Variants in TAFA2 observed in about 807,000 individuals in gnomAD.
TAFA2 encodes TAFA chemokine like family member 2, also known as chemokine-like protein TAFA-2.
A neutral mutation model predicts 18.8 loss-of-function variants in TAFA2; 7 were observed. The observed-to-expected ratio is 0.37, with a 90% CI of 0.21 to 0.70. TAFA2 has a LOEUF of 0.70. Ranked by LOEUF, TAFA2 falls within the 30% of genes least tolerant of loss-of-function variation. The probability of loss-of-function intolerance (pLI) is 0.53; values close to 1 mark genes in which losing one functional copy is unlikely to be tolerated. For missense variants in TAFA2, 122 were observed against 158.1 expected (o/e 0.77, Z 1.23); for synonymous variants, 60 against 54.2 (o/e 1.11, Z -0.47).
At chr12:61,825,720 C>T (rs4482081) in intron 2 of TAFA2, among the ~76,000 whole-genome samples, 43,809 of 151,808 alleles carry the variant, frequency 0.29, 6,895 homozygotes, top group South Asian at 0.4. Context: ...AAAAGAGGAG[C>T]TCTAGTCTAA....
chr12:62,174,203 C>G (rs1195129681), intron 1 of TAFA2, among the ~76,000 whole-genome samples: 1 of 152,068 alleles, frequency 6.6e-6, no homozygotes, highest in Non-Finnish European at 1.5e-5. Flanking sequence ...GTAGTCCCAG[C>G]TACTCAGGAG....
At chr12:61,774,519 C>T (rs146731698) in intron 2 of TAFA2, among the ~76,000 whole-genome samples, 137 of 151,934 alleles carry the variant, frequency 9.0e-4, no homozygotes, top group African/African-American at 3.0e-3. Flanking sequence ...ACATTCACAG[C>T]AACCTGGATG....
intron 2 of TAFA2, among the ~76,000 whole-genome samples, chr12:61,808,074 A>G (rs1161413840): frequency 6.6e-6 from 1 of 151,630 alleles, no homozygotes; most frequent in Non-Finnish European, 1.5e-5. Context: ...GGAAGGGGCC[A>G]GGGGCAGAAT....
intron 1 of TAFA2, among the ~76,000 whole-genome samples, chr12:61,996,570 A>G (rs1880194516): frequency 1.3e-5 from 2 of 152,128 alleles, no homozygotes. Context: ...CAGGTGTACA[A>G]TTCTCCAATG....
chr12:61,891,856 A>C (rs987338353), intron 1 of TAFA2, among the ~76,000 whole-genome samples: 3 of 152,186 alleles, frequency 2.0e-5, no homozygotes, highest in Non-Finnish European at 2.9e-5. Context: ...GCCATGAGAA[A>C]GAACTGGGAT....
In TAFA2 at chr12:61,902,083, A is replaced by G. The variant is rs1048064952; in HGVS notation, c.-1-34657T>C. 6.1e-5 allele frequency among the ~76,000 whole-genome samples: 8 copies of G among 132,070 alleles called. No individual in the cohort carries two copies. The South Asian group carries it at 9.8e-4, about 16-fold the overall frequency. The allele number at this position is 132,070 out of a possible 152,430, so 86.6% of individuals were successfully genotyped here. A position where few individuals can be genotyped will look rare whatever the true frequency, so the allele number is the denominator to read the frequency against. ...AAATCTATTGATGTAATCATGGTGC[A>G]GGAATGTTAAAAAAAAAAAAAAAAA... On this transcript the variant is annotated intron_variant, in intron 1 of 4. Coordinates refer to ENST00000416284, the MANE Select transcript of TAFA2 (RefSeq NM_178539.5).
At chr12:61,865,111 T>G (rs1427423580) in intron 2 of TAFA2, among the ~76,000 whole-genome samples, 1 of 152,036 alleles carries the variant, frequency 6.6e-6, no homozygotes. Flanking sequence ...CCCCTCCCCC[T>G]CCTGAAAGGA....
chr12:62,052,029 G>A (rs1003894420), intron 1 of TAFA2, among the ~76,000 whole-genome samples: 4 of 152,088 alleles, frequency 2.6e-5, no homozygotes, highest in Non-Finnish European at 5.9e-5. Context: ...CAAAAGGCAG[G>A]CAGTAGGCCA....
chr12:62,234,663 G>T (rs1298738472), intron 1 of TAFA2: 2 of 914,576 alleles, frequency 2.2e-6, no homozygotes, highest in Non-Finnish European at 3.6e-6. Context: ...GGAGCGTTTG[G>T]TATAAGCTTT....
At chr12:61,764,544 A>G (rs1381601127) in intron 2 of TAFA2, among the ~76,000 whole-genome samples, 1 of 152,004 alleles carries the variant, frequency 6.6e-6, no homozygotes, top group Non-Finnish European at 1.5e-5. Flanking sequence ...GGAGTAAGGC[A>G]TTTAGGTCTC....
At chr12:62,070,211 T>G (rs1475044851) in intron 1 of TAFA2, among the ~76,000 whole-genome samples, 1 of 152,174 alleles carries the variant, frequency 6.6e-6, no homozygotes, top group African/African-American at 2.4e-5. Flanking sequence ...AGAGATATCT[T>G]AATCTCTTTC....
At chr12:62,054,937 C>A (rs184153330) in intron 1 of TAFA2, among the ~76,000 whole-genome samples, 5 of 152,242 alleles carry the variant, frequency 3.3e-5, no homozygotes, top group Admixed American at 1.3e-4. Flanking sequence ...TAGTCTCATA[C>A]ATATAGTAGG....
At chr12:62,043,098 T>C (rs1453524475) in intron 1 of TAFA2, among the ~76,000 whole-genome samples, 3 of 152,168 alleles carry the variant, frequency 2.0e-5, no homozygotes, top group Non-Finnish European at 2.9e-5. Context: ...AATATGTCAT[T>C]TTAATTCACA....
chr12:62,232,040 C>T (rs2062813801), intron 1 of TAFA2, among the ~76,000 whole-genome samples: 2 of 151,860 alleles, frequency 1.3e-5, no homozygotes, highest in South Asian at 2.1e-4. Flanking sequence ...TTTCTTTGAC[C>T]TTCCCAATGT....
chr12:62,087,916 C>T (rs1049982610), intron 1 of TAFA2, among the ~76,000 whole-genome samples: 1 of 152,048 alleles, frequency 6.6e-6, no homozygotes, highest in Non-Finnish European at 1.5e-5. Context: ...GTAAAGCCAA[C>T]AAATCTTGCT....
At chr12:61,791,599 G>A (rs991682519) in intron 2 of TAFA2, among the ~76,000 whole-genome samples, 1 of 151,518 alleles carries the variant, frequency 6.6e-6, no homozygotes, top group Non-Finnish European at 1.5e-5. Flanking sequence ...ACATACAAAT[G>A]ACCAAAAGTA....
chr12:62,131,551 T>C (rs1870686053), intron 1 of TAFA2, among the ~76,000 whole-genome samples: 2 of 152,028 alleles, frequency 1.3e-5, no homozygotes, highest in South Asian at 4.1e-4. Flanking sequence ...CCAGGCCATT[T>C]CCAAGACCAC....
At chr12:61,780,088 A>T (rs1385623720) in intron 2 of TAFA2, among the ~76,000 whole-genome samples, 2 of 151,730 alleles carry the variant, frequency 1.3e-5, no homozygotes. Flanking sequence ...ACAATGTCAA[A>T]TATCCCAGAA....
chr12:61,784,025 A>G (rs1870619954), intron 2 of TAFA2, among the ~76,000 whole-genome samples: 1 of 151,600 alleles, frequency 6.6e-6, no homozygotes, highest in Non-Finnish European at 1.5e-5. Flanking sequence ...CAGCATGGCT[A>G]CTTTATGAAA....
Sources: allele counts gnomAD v4.1 joint callset (sites outside exome capture counted in the v4.1 genomes callset), GRCh38; gene constraint gnomAD v4.1.1; transcripts MANE v1.5; gene names NCBI Gene and HGNC (gene_info 2026-07-23, HGNC 2026-07-21).